Variants in CTNNB1 observed in about 807,000 individuals in gnomAD.
The protein encoded by CTNNB1 is catenin beta-1.
Under a neutral mutation model 82.5 loss-of-function variants are expected in CTNNB1, and 6 were observed. The observed-to-expected ratio is 0.07, with a 90% CI of 0.04 to 0.14. The LOEUF is 0.14. Among genes scored for constraint, CTNNB1 ranks in the 10% least tolerant of loss-of-function variants. The pLI is 1.00. For missense variants in CTNNB1, 529 were observed against 980.4 expected (o/e 0.54, Z 6.15); for synonymous variants, 312 against 329.7 (o/e 0.95, Z 0.58).
chr3:41,238,936 C>G (rs2078505645), intron 14 of CTNNB1, among the ~76,000 whole-genome samples, 198 bp from the exon 15 acceptor site: 1 of 150,406 alleles, frequency 6.6e-6, no homozygotes, highest in Non-Finnish European at 1.5e-5. Context: ...TTTGTGTAGT[C>G]TCATGGGTGG....
intron 1 of CTNNB1, among the ~76,000 whole-genome samples, chr3:41,205,861 T>C (rs2077636735): frequency 6.6e-6 from 1 of 152,180 alleles, no homozygotes; most frequent in Non-Finnish European, 1.5e-5. Flanking sequence ...TCATGAAACA[T>C]TAATCCTAAA....
chr3:41,204,440 C>G lies in CTNNB1; in HGVS notation c.-49+4770C>G, dbSNP rs544543388. Among the ~76,000 whole-genome samples the G allele has an allele frequency of 5.3e-5, 8 of 152,250 alleles. No homozygotes were observed. In the East Asian group the frequency reaches 5.8e-4, roughly 11 times the overall value. On this transcript the variant is annotated intron_variant, in intron 1 of 14. Coordinates refer to ENST00000349496, the MANE Select transcript of CTNNB1 (RefSeq NM_001904.4). ...CAAGATATGTTACTAAGAATAAGAT[C>G]GCTTTCAGAAGCCTTATATAGGATT...
intron 6 of CTNNB1, among the ~76,000 whole-genome samples, 159 bp downstream of exon 6, chr3:41,226,020 C>T (rs1176414988): frequency 6.6e-6 from 1 of 152,140 alleles, no homozygotes; most frequent in African/African-American, 2.4e-5. Context: ...CTGGATGACA[C>T]CATTCCACCT....
intron 1 of CTNNB1, among the ~76,000 whole-genome samples, chr3:41,202,338 C>T (rs763441691): frequency 5.9e-5 from 9 of 152,094 alleles, no homozygotes; most frequent in Non-Finnish European, 1.3e-4. Flanking sequence ...ACTGCCAACC[C>T]GGGGCACAAA....
rs759246521 is a variant in CTNNB1 at position 41,233,922 on chromosome 3, C to T, written c.1524+55C>T. On this transcript the variant is annotated intron_variant, in intron 9 of 14. Coordinates refer to ENST00000349496, the MANE Select transcript of CTNNB1 (RefSeq NM_001904.4). ...TTGCAGAATTGAAAATGAAGCATCTCTAGCTGTTGGATGGCTGTCTAAGCA... is the reference window on the plus strand; with the variant it reads ...TTGCAGAATTGAAAATGAAGCATCTTTAGCTGTTGGATGGCTGTCTAAGCA... The T allele has an allele frequency of 8.9e-6, 14 of 1,575,560 alleles. No individual in the cohort carries two copies. In the African/African-American group the frequency reaches 1.5e-4, roughly 17 times the overall value.
At chr3:41,217,555 C>T (rs1384891057) in intron 1 of CTNNB1, among the ~76,000 whole-genome samples, 1 of 152,164 alleles carries the variant, frequency 6.6e-6, no homozygotes, top group Admixed American at 6.5e-5. Context: ...ATGAATGCCT[C>T]ACTTGGCATG....
Position 41,236,456 on chromosome 3 carries a change from A to T in CTNNB1, c.1911A>T (p.Thr637=). The change falls in exon 12 of 15, where the codon ACA becomes ACT. Residue 637 remains threonine, a synonymous_variant. Coordinates refer to ENST00000349496, the MANE Select transcript of CTNNB1 (RefSeq NM_001904.4). ...AAEAIEAEGA[T]APLTELLHSR... ...AAGCTATTGAAGCTGAGGGAGCCACAGCTCCTCTGACAGAGTTACTTCACT... is the reference window on the plus strand; with the variant it reads ...AAGCTATTGAAGCTGAGGGAGCCACTGCTCCTCTGACAGAGTTACTTCACT... 6.2e-7 allele frequency: 1 copy of T among 1,614,250 alleles called. No individual in the cohort carries two copies.
intron 1 of CTNNB1, among the ~76,000 whole-genome samples, chr3:41,223,356 AT>A (rs1210020103): frequency 5.9e-5 from 9 of 152,168 alleles, no homozygotes; most frequent in Admixed American, 5.2e-4. Flanking sequence ...TGATCAAAAT[AT>A]GTATCCATAT....
At position 41,239,537 on chromosome 3, in the gene CTNNB1, A is replaced by G; in HGVS notation, c.*195A>G. 3.3e-6 allele frequency: 2 copies of G among 610,790 alleles called. No homozygotes were observed. Among genetic ancestry groups the G allele is most frequent in the South Asian group, 1.9e-5 (1 of 51,590 alleles). 37.8% of individuals were successfully genotyped at this position (610,790 alleles called of 1,614,324 possible). Reference sequence around the variant, plus strand: ...GAATGTTCTCAGATTTCTGGTTGTTATGTGATCATGTGTGGAAGTTATTAA... The same window carrying G: ...GAATGTTCTCAGATTTCTGGTTGTTGTGTGATCATGTGTGGAAGTTATTAA... On this transcript the variant is annotated 3_prime_UTR_variant, in exon 15 of 15. Coordinates refer to ENST00000349496, the MANE Select transcript of CTNNB1 (RefSeq NM_001904.4).
rs1174315329 is a variant in CTNNB1 at position 41,236,419 on chromosome 3, A to G, written c.1874A>G (p.Lys625Arg). Residue 625 changes from lysine to arginine, a missense_variant, in exon 12 of 15, where the codon AAG becomes AGG. Physicochemically the swap from Lys to Arg is conservative, Grantham distance 26. Around this residue, in one of 4 missense-constraint regions of CTNNB1, gnomAD observed 411 missense variants for 776.4 expected, o/e 0.53. Coordinates refer to ENST00000349496, the MANE Select transcript of CTNNB1 (RefSeq NM_001904.4). Reference protein sequence around the residue: ...AGVLCELAQDKEAAEAIEAEG... With the variant: ...AGVLCELAQDREAAEAIEAEG... ...GTCCTCTGTGAACTTGCTCAGGACA[A>G]GGAAGCTGCAGAAGCTATTGAAGCT... 2.5e-6 allele frequency: 4 copies of G among 1,614,214 alleles called. No homozygotes were observed. The highest frequency in any genetic ancestry group is 2.5e-6 in the Non-Finnish European group (3 of 1,180,028).
rs2125654798 is a variant in CTNNB1 at position 41,239,549 on chromosome 3, G to A, written c.*207G>A. ...ATTTCTGGTTGTTATGTGATCATGT[G>A]TGGAAGTTATTAACTTTAATGTTTT... On this transcript the variant is annotated 3_prime_UTR_variant, in exon 15 of 15. Transcript: ENST00000349496. 3 of 595,436 alleles carry A rather than the reference G, an allele frequency of 5.0e-6. No individual in the cohort carries two copies. Among genetic ancestry groups the A allele is most frequent in the South Asian group, 4.0e-5 (2 of 50,506 alleles). The allele number at this position is 595,436 out of a possible 1,614,324, so 36.9% of individuals were successfully genotyped here.
At position 41,236,597 on chromosome 3, in the gene CTNNB1, C is replaced by T. The variant is rs2078441209; in HGVS notation, c.1964C>T (p.Ala655Val). Residue 655 changes from alanine (A) to valine (V), a missense_variant, in exon 13 of 15, where the codon GCA becomes GTA. By Grantham distance (64) the Ala-to-Val change is moderately conservative. Around this residue, in one of 4 missense-constraint regions of CTNNB1, gnomAD observed 411 missense variants for 776.4 expected, o/e 0.53. Transcript: ENST00000349496. The stretch of plus-strand genomic sequence containing the variant: ...TCTCCTTGTCTCTTAGCGACATATG[C>T]AGCTGCTGTTTTGTTCCGAATGTCT... ...HSRNEGVATYAAAVLFRMSED... is the reference protein window; with the variant it reads ...HSRNEGVATYVAAVLFRMSED... 1 of 1,614,212 alleles carries T rather than the reference C, an allele frequency of 6.2e-7. No homozygotes were observed. The highest frequency in any genetic ancestry group is 1.1e-5 in the South Asian group (1 of 91,088).
At chr3:41,222,558 T>G (rs1318136402) in intron 1 of CTNNB1, among the ~76,000 whole-genome samples, 2 of 152,252 alleles carry the variant, frequency 1.3e-5, no homozygotes, top group Non-Finnish European at 2.9e-5. Context: ...ATTGTAAATT[T>G]GGAACATGAA....
chr3:41,225,121 G>A lies in CTNNB1; in HGVS notation c.409G>A (p.Val137Ile), dbSNP rs2125620716. 6.2e-7 allele frequency: 1 copy of A among 1,614,088 alleles called. No individual in the cohort carries two copies. Among genetic ancestry groups the A allele is most frequent in the Non-Finnish European group, 8.5e-7 (1 of 1,179,996 alleles). The change falls in exon 4 of 15, where the codon GTA becomes ATA. Residue 137 changes from valine to isoleucine, a missense_variant. By Grantham distance (29) the Val-to-Ile change is conservative (BLOSUM62 3). This residue lies in a region of CTNNB1 where 411 missense variants were observed against 776.4 expected (regional missense o/e 0.53). Transcript: ENST00000349496. The surrounding 1 kb of genome is among the most constrained non-coding windows in gnomAD (Gnocchi z 5.3). ...EPSQMLKHAV[V>I]NLINYQDDAE... ...ATCACAGATGCTGAAACATGCAGTT[G>A]TAAACTTGATTAACTATCAAGATGA...
intron 1 of CTNNB1, among the ~76,000 whole-genome samples, chr3:41,223,134 A>G (rs2078090557): frequency 6.6e-6 from 1 of 152,128 alleles, no homozygotes; most frequent in Admixed American, 6.6e-5. Flanking sequence ...TACATACCCA[A>G]TATGTTAATT....
chr3:41,211,346 AGCCAT>A (rs898081333), intron 1 of CTNNB1, among the ~76,000 whole-genome samples: 27 of 152,272 alleles, frequency 1.8e-4, no homozygotes, highest in East Asian at 7.7e-4. Context: ...TTCTCACTGA[AGCCAT>A]GCCATGCCAT....
In CTNNB1 at chr3:41,239,986, C is replaced by CT. The variant is rs1207330730; in HGVS notation, c.*669dup. On this transcript the variant is annotated 3_prime_UTR_variant, in exon 15 of 15. Coordinates refer to ENST00000349496, the MANE Select transcript of CTNNB1 (RefSeq NM_001904.4). ...TGACTTTGCTTGCTTTGAAGTAGCT[C>CT]TTTTTTTTTTTTTTTTTTTTTTTTT... 0.08 allele frequency: 2,609 copies of CT among 32,512 alleles called. 188 individuals are homozygous for CT. Among genetic ancestry groups the CT allele is most frequent in the Middle Eastern group, 0.14 (7 of 50 alleles). The allele number at this position is 32,512 out of a possible 1,614,324, so 2.0% of individuals were successfully genotyped here. A position where few individuals can be genotyped will look rare whatever the true frequency, so the allele number is the denominator to read the frequency against.
intron 7 of CTNNB1, among the ~76,000 whole-genome samples, chr3:41,230,363 CAGGG>C (rs1180899652): frequency 6.6e-6 from 1 of 152,140 alleles, no homozygotes; most frequent in African/African-American, 2.4e-5. Flanking sequence ...TTTGAAGTGA[CAGGG>C]AGGTCTGTAG....
chr3:41,215,065 A>C (rs2077882376), intron 1 of CTNNB1, among the ~76,000 whole-genome samples: 1 of 151,998 alleles, frequency 6.6e-6, no homozygotes, highest in Non-Finnish European at 1.5e-5. Flanking sequence ...GTGGTTCTGA[A>C]GGCATTTAAG....
Sources: gnomAD v4.1 joint callset for allele counts (sites outside exome capture counted in the v4.1 genomes callset) on GRCh38, gnomAD v4.1.1 for gene constraint, gnomAD v4.1.1 regional missense constraint, Gnocchi (gnomAD v3.1) non-coding constraint, MANE v1.5 for transcripts, NCBI Gene and HGNC (gene_info 2026-07-23, HGNC 2026-07-21) for gene names.